Variants in ABCA12 observed in about 807,000 individuals in gnomAD.
ABCA12 encodes glucosylceramide transporter ABCA12.
Under a neutral mutation model 293.5 loss-of-function variants are expected in ABCA12, and 156 were observed. The ratio of observed to expected loss-of-function variants is 0.53; its 90% confidence interval spans 0.47 to 0.61. The LOEUF (loss-of-function observed/expected upper bound fraction) is 0.61, where lower values mean the gene tolerates loss of function less well. Ranked by LOEUF, ABCA12 falls within the 20% of genes least tolerant of loss-of-function variation. The probability of loss-of-function intolerance (pLI) is 0.00; values close to 1 mark genes in which losing one functional copy is unlikely to be tolerated. For synonymous variants in ABCA12, 1,063 were observed against 1,108.0 expected (o/e 0.96, Z 0.81); for missense variants, 2,797 against 3,090.2 (o/e 0.91, Z 2.25).
chr2:214,994,177 T>G (rs1258135473), intron 23 of ABCA12, among the ~76,000 whole-genome samples: 1 of 152,042 alleles, frequency 6.6e-6, no homozygotes, highest in African/African-American at 2.4e-5. Flanking sequence ...AACTTTGTTG[T>G]AATAAACAAG....
chr2:215,017,849 T>C, intron 14 of ABCA12, 159 bp downstream of exon 14: 1 of 959,498 alleles, frequency 1.0e-6, no homozygotes, highest in African/African-American at 1.7e-5. Context: ...AGAATTTTTC[T>C]TCTATCTTTA....
At chr2:214,933,111 T>C (rs1457489975) in intron 52 of ABCA12, among the ~76,000 whole-genome samples, 1 of 152,146 alleles carries the variant, frequency 6.6e-6, no homozygotes. Context: ...TGTGCCCTTA[T>C]TGAATGGTTG....
chr2:214,980,524 C>T lies in ABCA12; in HGVS notation c.4699G>A (p.Ala1567Thr). ...GTGAGGTGATACCCATCGCCAAAGG[C>T]TTCCTTGAGGTAAAATGGGGACCCA... ...CCGSPFYLKE[A>T]FGDGYHLTLT... The change falls in exon 31 of 53, where the codon GCC becomes ACC. Residue 1567 changes from alanine to threonine, a missense_variant. Physicochemically the swap from Ala to Thr is moderately conservative, Grantham distance 58 (BLOSUM62 0). Transcript: ENST00000272895. 3 of 1,613,976 alleles carry T rather than the reference C, an allele frequency of 1.9e-6. No homozygotes were observed. The East Asian group carries it at 6.7e-5, about 36-fold the overall frequency.
chr2:214,945,214 C>A, intron 48 of ABCA12, 110 bp from the exon 49 acceptor site: 1 of 872,884 alleles, frequency 1.1e-6, no homozygotes, highest in Non-Finnish European at 1.8e-6. Context: ...TTTTCGAGGT[C>A]CTGTGACTAA....
chr2:215,090,913 A>C (rs946247495), intron 2 of ABCA12, among the ~76,000 whole-genome samples: 7 of 152,136 alleles, frequency 4.6e-5, no homozygotes, highest in Non-Finnish European at 7.4e-5. Context: ...AAACCTAAGC[A>C]TCTTATTTGC....
intron 23 of ABCA12, 78 bp from the exon 24 acceptor site, chr2:214,991,109 A>T: frequency 1.6e-6 from 2 of 1,285,498 alleles, no homozygotes; most frequent in African/African-American, 1.5e-5. Context: ...ATTATGTCAA[A>T]ATGTCATGAT....
chr2:215,096,180 G>T (rs1449686118), intron 2 of ABCA12, among the ~76,000 whole-genome samples: 2 of 152,100 alleles, frequency 1.3e-5, no homozygotes, highest in Non-Finnish European at 2.9e-5. Context: ...GCATCCTTTT[G>T]TGTGATACCA....
intron 26 of ABCA12, 150 bp from the exon 27 acceptor site, chr2:214,987,943 G>T: frequency 9.7e-7 from 1 of 1,030,946 alleles, no homozygotes; most frequent in Non-Finnish European, 1.4e-6. Context: ...AGTTTCCATA[G>T]TAAAGCAAAA....
intron 2 of ABCA12, among the ~76,000 whole-genome samples, chr2:215,104,567 C>A (rs372940244): frequency 2.6e-4 from 39 of 152,262 alleles, no homozygotes; most frequent in African/African-American, 9.1e-4. Context: ...CAATCAAATC[C>A]CAATTTCAGT....
At chr2:214,945,477 G>A (rs1559105891) in intron 48 of ABCA12, among the ~76,000 whole-genome samples, 1 of 152,072 alleles carries the variant, frequency 6.6e-6, no homozygotes, top group Non-Finnish European at 1.5e-5. Context: ...CAGAATTGTG[G>A]CTATGAGTGA....
At chr2:214,993,914 T>C (rs1386619649) in intron 23 of ABCA12, among the ~76,000 whole-genome samples, 1 of 152,158 alleles carries the variant, frequency 6.6e-6, no homozygotes, top group African/African-American at 2.4e-5. Context: ...ATCACTGTAA[T>C]TTTGAAATTT....
At chr2:215,095,411 C>A (rs184792074) in intron 2 of ABCA12, among the ~76,000 whole-genome samples, 5 of 152,050 alleles carry the variant, frequency 3.3e-5, no homozygotes, top group African/African-American at 1.2e-4. Flanking sequence ...CATACAGAAC[C>A]GCATCCAGGC....
intron 31 of ABCA12, among the ~76,000 whole-genome samples, chr2:214,979,440 T>C (rs1394714551): frequency 6.6e-6 from 1 of 152,152 alleles, no homozygotes; most frequent in African/African-American, 2.4e-5. Context: ...GAACCTCTTT[T>C]CTTATTACCC....
At chr2:215,059,612 AG>A (rs1261512356) in intron 3 of ABCA12, among the ~76,000 whole-genome samples, 1 of 151,984 alleles carries the variant, frequency 6.6e-6, no homozygotes, top group East Asian at 1.9e-4. Flanking sequence ...TATAGTGAGT[AG>A]AGGCTAACTA....
At chr2:214,964,312 T>G (rs1326173549) in intron 39 of ABCA12, among the ~76,000 whole-genome samples, 4 of 152,116 alleles carry the variant, frequency 2.6e-5, no homozygotes, top group African/African-American at 9.7e-5. Context: ...CCCTGAAAAC[T>G]GGCACAAGAC....
intron 20 of ABCA12, among the ~76,000 whole-genome samples, chr2:215,003,676 T>C (rs968858190): frequency 4.6e-5 from 7 of 151,674 alleles, no homozygotes; most frequent in Non-Finnish European, 7.4e-5. Context: ...TAATAATTTT[T>C]TTTTTTTTGA....
intron 2 of ABCA12, among the ~76,000 whole-genome samples, chr2:215,101,109 A>G (rs1160495598): frequency 6.6e-6 from 1 of 152,220 alleles, no homozygotes; most frequent in Non-Finnish European, 1.5e-5. Flanking sequence ...TGGGGATTAC[A>G]GTGAAAGACT....
intron 1 of ABCA12, among the ~76,000 whole-genome samples, chr2:215,131,888 T>C (rs1476032125): frequency 2.0e-5 from 3 of 151,956 alleles, no homozygotes; most frequent in Non-Finnish European, 4.4e-5. Context: ...TATAAACTTT[T>C]CTCTTAGCAC....
intron 2 of ABCA12, chr2:215,075,636 A>G (rs1701820502): frequency 1.5e-6 from 1 of 672,302 alleles, no homozygotes; most frequent in African/African-American, 1.8e-5. Flanking sequence ...GGAGATGAGC[A>G]TGTTCAAGTA....
Sources: allele counts gnomAD v4.1 joint callset (sites outside exome capture counted in the v4.1 genomes callset), GRCh38; gene constraint gnomAD v4.1.1; transcripts MANE v1.5; gene names NCBI Gene and HGNC (gene_info 2026-07-23, HGNC 2026-07-21).